The following GALNT13 variants were observed in gnomAD, a reference collection of about 807,000 sequenced individuals.
GALNT13 encodes the protein UDP-GalNAc:polypeptide N-acetylgalactosaminyltransferase 13.
Under a neutral mutation model 64.2 loss-of-function variants are expected in GALNT13, and 28 were observed. The ratio of observed to expected loss-of-function variants is 0.44; its 90% CI spans 0.32 to 0.60. The LOEUF is 0.60. GALNT13 is among the 20% of genes least tolerant of loss of function. GALNT13 has a pLI of 0.05. For synonymous variants in GALNT13, 214 were observed against 224.6 expected, an observed-to-expected ratio of 0.95 and a Z score of 0.42; for missense variants, 577 against 669.8, an observed-to-expected ratio of 0.86 and a Z score of 1.53.
chr2:154,103,006 A>G (rs1287113316), intron 3 of GALNT13, among the ~76,000 whole-genome samples: 2 of 151,976 alleles, frequency 1.3e-5, no homozygotes, highest in East Asian at 3.9e-4. Flanking sequence ...TCTTTTGTAT[A>G]GTATTTTCCA....
At chr2:153,857,970 T>G in the GALNT13 span, among the ~76,000 whole-genome samples, 1 of 152,152 alleles carries the variant, frequency 6.6e-6, no homozygotes. Flanking sequence ...GAAGATCTAT[T>G]ATGTTAATTT....
intron 6 of GALNT13, among the ~76,000 whole-genome samples, chr2:154,243,213 C>A (rs1689591697): frequency 6.6e-6 from 1 of 151,970 alleles, no homozygotes; most frequent in Non-Finnish European, 1.5e-5. Flanking sequence ...TTCAAAGCAC[C>A]TTTTTGTGTT....
the GALNT13 span, among the ~76,000 whole-genome samples, chr2:153,353,579 G>A: frequency 1.7e-5 from 2 of 119,390 alleles, no homozygotes; most frequent in South Asian, 2.4e-4. Context: ...GGTGTTAGCT[G>A]TAGGTTTTTT....
the GALNT13 span, among the ~76,000 whole-genome samples, chr2:153,843,129 G>T: frequency 1.3e-5 from 2 of 152,096 alleles, no homozygotes; most frequent in Non-Finnish European, 2.9e-5. Context: ...TTTTTGCATT[G>T]CTATAAAGAA....
At chr2:153,849,781 A>G in the GALNT13 span, among the ~76,000 whole-genome samples, 1 of 152,046 alleles carries the variant, frequency 6.6e-6, no homozygotes, top group Non-Finnish European at 1.5e-5. Flanking sequence ...AATCTTCAGA[A>G]ATCTGCAATG....
the GALNT13 span, among the ~76,000 whole-genome samples, chr2:153,185,103 G>A: frequency 2.0e-5 from 3 of 152,036 alleles, no homozygotes; most frequent in Non-Finnish European, 2.9e-5. Flanking sequence ...GGCTTTTTTC[G>A]ATTGGTAGGC....
At chr2:154,250,435 A>AT (rs902000792) in intron 7 of GALNT13, among the ~76,000 whole-genome samples, 7 of 151,564 alleles carry the variant, frequency 4.6e-5, no homozygotes, top group Non-Finnish European at 8.9e-5. Context: ...ATGTTTCTCT[A>AT]TTTTTTTTGT....
At chr2:153,281,592 C>A in the GALNT13 span, among the ~76,000 whole-genome samples, 1 of 152,164 alleles carries the variant, frequency 6.6e-6, no homozygotes, top group African/African-American at 2.4e-5. Context: ...CTGCTGAAAA[C>A]AAATTCCCTT....
chr2:153,102,150 GTGTC>G, the GALNT13 span, among the ~76,000 whole-genome samples: 2 of 151,928 alleles, frequency 1.3e-5, no homozygotes, highest in African/African-American at 4.8e-5. Context: ...TGGGAACTCT[GTGTC>G]TGTCTGTCTG....
chr2:153,912,719 G>T (rs549265712), intron 2 of GALNT13, among the ~76,000 whole-genome samples: 2 of 152,120 alleles, frequency 1.3e-5, no homozygotes, highest in Non-Finnish European at 2.9e-5. Context: ...TTCTAATTCT[G>T]GGTGACTCTT....
At chr2:153,361,423 T>A in the GALNT13 span, among the ~76,000 whole-genome samples, 1 of 151,376 alleles carries the variant, frequency 6.6e-6, no homozygotes, top group Non-Finnish European at 1.5e-5. Context: ...ACAAATTCTG[T>A]TGAGCTAAAG....
At position 153,872,628 on chromosome 2, in the gene GALNT13, G is replaced by A. The variant is rs1275004004; in HGVS notation, c.-177+325G>A. 5.0e-3 allele frequency among the ~76,000 whole-genome samples: 497 copies of A among 99,556 alleles called. 57 individuals are homozygous for A. Among genetic ancestry groups the A allele is most frequent in the African/African-American group, 0.014 (397 of 28,678 alleles). The allele number at this position is 99,556 out of a possible 152,430, so 65.3% of individuals were successfully genotyped here. ...GGTGAGTTGTTGGTGGCGGGGGGGG[G>A]GGGGGGAGCGGCTCTGGCCCCCTCT... On this transcript the variant is annotated intron_variant, in intron 1 of 12. Transcript: ENST00000392825.
At chr2:153,178,732 C>CTTTTTTTTTTTTTTTTTT in the GALNT13 span, among the ~76,000 whole-genome samples, 2 of 98,414 alleles carry the variant, frequency 2.0e-5, no homozygotes, top group East Asian at 3.4e-4. Flanking sequence ...TTCTCTTCTT[C>CTTTTTTTTTTTTTTTTTT]TTTTTTTTTT....
chr2:153,083,586 TA>T, the GALNT13 span, among the ~76,000 whole-genome samples: 650 of 152,310 alleles, frequency 4.3e-3, 3 homozygotes, highest in Admixed American at 7.6e-3. Flanking sequence ...TTGATGGTAT[TA>T]TTTTTTTTTC....
chr2:153,241,107 T>C, the GALNT13 span, among the ~76,000 whole-genome samples: 12 of 152,172 alleles, frequency 7.9e-5, no homozygotes, highest in Non-Finnish European at 1.6e-4. Flanking sequence ...TGTTTGTATA[T>C]GTGGAGGGGA....
the GALNT13 span, among the ~76,000 whole-genome samples, chr2:153,444,125 A>G: frequency 5.4e-3 from 827 of 152,198 alleles, 18 homozygotes; most frequent in East Asian, 0.046. Flanking sequence ...TCTGTCATCT[A>G]TCTATCCATT....
chr2:154,363,733 T>C (rs1697209472), intron 9 of GALNT13, among the ~76,000 whole-genome samples: 1 of 152,204 alleles, frequency 6.6e-6, no homozygotes, highest in Admixed American at 6.5e-5. Flanking sequence ...AAGTGTTGAA[T>C]TGACTCCCCA....
the GALNT13 span, chr2:153,421,895 TC>T: frequency 2.0e-5 from 1 of 51,178 alleles, no homozygotes; most frequent in Non-Finnish European, 3.5e-5. Flanking sequence ...GTAGTAGAGC[TC>T]CCGGCAGCAT....
the GALNT13 span, among the ~76,000 whole-genome samples, chr2:153,314,556 A>T: frequency 6.6e-6 from 1 of 152,158 alleles, no homozygotes; most frequent in Non-Finnish European, 1.5e-5. Context: ...AACTCAATAA[A>T]TTTAAAAACA....
Sources: gnomAD v4.1 joint callset for allele counts (sites outside exome capture counted in the v4.1 genomes callset) on GRCh38, gnomAD v4.1.1 for gene constraint, MANE v1.5 for transcripts, NCBI Gene and HGNC (gene_info 2026-07-23, HGNC 2026-07-21) for gene names.